The following GLIPR1L2 variants were observed in gnomAD, a reference collection of about 807,000 sequenced individuals.
The protein encoded by GLIPR1L2 is GLIPR1-like protein 2.
In GLIPR1L2, 21 loss-of-function variants were observed where a neutral mutation model predicts 28.4. That is an observed-to-expected ratio of 0.74 (90% CI 0.52 to 1.06). GLIPR1L2 has a LOEUF of 1.06. Ranked by LOEUF, GLIPR1L2 falls within the 50% of genes least tolerant of loss-of-function variation. GLIPR1L2 has a pLI of 0.00. For synonymous variants in GLIPR1L2, 145 were observed against 139.3 expected, an observed-to-expected ratio of 1.04 and a Z score of -0.29; for missense variants, 476 against 416.9, an observed-to-expected ratio of 1.14 and a Z score of -1.23.
chr12:75,396,266 G>T (rs2045680660), intron 1 of GLIPR1L2, among the ~76,000 whole-genome samples: 1 of 152,070 alleles, frequency 6.6e-6, no homozygotes. Flanking sequence ...TGGGGCTCAA[G>T]TGATCCTCCC....
rs566662592 is a variant in GLIPR1L2, at chr12:75,397,733, A to G, written c.234+6383A>G. ...TAGAACTGATTTCTCACATGACATG[A>G]CTTTTTTCCATCTGACTTTCTGTCA... On this transcript the variant is annotated intron_variant, in intron 1 of 5. Transcript: ENST00000550916. 2.0e-5 allele frequency among the ~76,000 whole-genome samples: 3 copies of G among 152,280 alleles called. No individual in the cohort carries two copies. The South Asian group carries it at 6.2e-4, about 32-fold the overall frequency.
chr12:75,424,882 AAT>A (rs1246593916), intron 4 of GLIPR1L2, among the ~76,000 whole-genome samples: 1 of 152,144 alleles, frequency 6.6e-6, no homozygotes, highest in Non-Finnish European at 1.5e-5. Flanking sequence ...TTTTCTGAGA[AAT>A]TCAATGCTAA....
intron 1 of GLIPR1L2, among the ~76,000 whole-genome samples, chr12:75,397,376 G>A (rs1280674836): frequency 6.6e-6 from 1 of 150,736 alleles, no homozygotes; most frequent in East Asian, 1.9e-4. Flanking sequence ...AATATTTTTA[G>A]TGCTTTATTA....
intron 1 of GLIPR1L2, among the ~76,000 whole-genome samples, chr12:75,402,563 C>T (rs1201870226): frequency 6.6e-6 from 1 of 152,196 alleles, no homozygotes; most frequent in Non-Finnish European, 1.5e-5. Flanking sequence ...TCCTCAGTCA[C>T]ATTGTGTACA....
chr12:75,421,965 A>G (rs1476902553), intron 3 of GLIPR1L2, among the ~76,000 whole-genome samples: 1 of 146,550 alleles, frequency 6.8e-6, no homozygotes, highest in East Asian at 2.0e-4. Flanking sequence ...AAAATTCTAT[A>G]TCATTTATTT....
chr12:75,417,205 A>C (rs182279005), intron 3 of GLIPR1L2, among the ~76,000 whole-genome samples: 2 of 152,230 alleles, frequency 1.3e-5, no homozygotes, highest in African/African-American at 4.8e-5. Context: ...ATGCAATCAC[A>C]TGTATACTTG....
chr12:75,412,849 A>G (rs1330965654), intron 2 of GLIPR1L2, among the ~76,000 whole-genome samples: 1 of 152,176 alleles, frequency 6.6e-6, no homozygotes, highest in Non-Finnish European at 1.5e-5. Context: ...TACTGGGTAT[A>G]TACCCAAAGG....
chr12:75,402,930 AT>A (rs574623505), intron 1 of GLIPR1L2: 26 of 451,916 alleles, frequency 5.8e-5, no homozygotes, highest in Non-Finnish European at 8.9e-5. Flanking sequence ...CTCCTCTAAC[AT>A]GATAGTCTTG....
At chr12:75,391,665 GT>G (rs2045602941) in intron 1 of GLIPR1L2, 1 of 609,688 alleles carries the variant, frequency 1.6e-6, no homozygotes, top group East Asian at 4.8e-5. Flanking sequence ...TTAAAAATCA[GT>G]GCAAAAATAT....
chr12:75,391,100 T>G lies in GLIPR1L2; in HGVS notation c.-17T>G. 3 of 1,591,080 alleles carry G rather than the reference T, an allele frequency of 1.9e-6. No individual in the cohort carries two copies. Among genetic ancestry groups the G allele is most frequent in the Non-Finnish European group, 2.6e-6 (3 of 1,161,234 alleles). ...CGGCCAGCGCGTGCGCACTGGCCTG[T>G]CAGCGGCCGGTGGACCATGGAGGCC... is the stretch of plus-strand genomic sequence containing the variant. On this transcript the variant is annotated 5_prime_UTR_variant, in exon 1 of 6. Coordinates refer to ENST00000550916, the MANE Select transcript of GLIPR1L2 (RefSeq NM_001270396.2).
rs1414495833 is a variant in GLIPR1L2, at chr12:75,431,192, C to A, written c.*31C>A. 3 of 610,328 alleles carry A rather than the reference C, an allele frequency of 4.9e-6. No individual in the cohort carries two copies. Among genetic ancestry groups the A allele is most frequent in the Non-Finnish European group, 2.9e-6 (1 of 349,852 alleles). 37.8% of individuals were successfully genotyped at this position (610,328 alleles called of 1,614,324 possible). On this transcript the variant is annotated 3_prime_UTR_variant, in exon 6 of 6. Coordinates refer to ENST00000550916, the MANE Select transcript of GLIPR1L2 (RefSeq NM_001270396.2). ...GAAAGAGGAGGAAAAAGATGTATCA[C>A]CAATATAAACCAAAAGTGTAATACA...
At chr12:75,417,918 G>A (rs1036663328) in intron 3 of GLIPR1L2, among the ~76,000 whole-genome samples, 3 of 151,894 alleles carry the variant, frequency 2.0e-5, no homozygotes, top group African/African-American at 7.3e-5. Flanking sequence ...TATTAGAAAG[G>A]ACACAAGGAT....
chr12:75,393,414 C>T (rs2139912865), intron 1 of GLIPR1L2, among the ~76,000 whole-genome samples: 1 of 152,140 alleles, frequency 6.6e-6, no homozygotes, highest in Non-Finnish European at 1.5e-5. Flanking sequence ...CTCCCCTCCT[C>T]CCAGGCCTCT....
chr12:75,402,217 A>G (rs2045749568), intron 1 of GLIPR1L2, among the ~76,000 whole-genome samples: 1 of 152,176 alleles, frequency 6.6e-6, no homozygotes, highest in African/African-American at 2.4e-5. Flanking sequence ...AAATACAGAA[A>G]GAGAAAACCG....
chr12:75,428,783 C>T (rs1054847319), intron 4 of GLIPR1L2, among the ~76,000 whole-genome samples: 2 of 152,224 alleles, frequency 1.3e-5, no homozygotes, highest in Non-Finnish European at 2.9e-5. Flanking sequence ...TAAGCTGTGG[C>T]TCAAAGGGGC....
chr12:75,400,091 A>G lies in GLIPR1L2; in HGVS notation c.234+8741A>G, dbSNP rs546949776. ...AAAAGAATACCATACACCTGTGGGG[A>G]AAAAAAAGAATGAGAACGTTTTTTA... On this transcript the variant is annotated intron_variant, in intron 1 of 5. Transcript: ENST00000550916. 3.3e-5 allele frequency among the ~76,000 whole-genome samples: 5 copies of G among 152,114 alleles called. No individual in the cohort carries two copies. In the East Asian group the frequency reaches 7.7e-4, roughly 23 times the overall value.
chr12:75,395,400 T>C (rs2045672225), intron 1 of GLIPR1L2, among the ~76,000 whole-genome samples: 1 of 151,996 alleles, frequency 6.6e-6, no homozygotes, highest in Admixed American at 6.5e-5. Flanking sequence ...TACTGACCTA[T>C]AGTTTTCTTA....
intron 3 of GLIPR1L2, among the ~76,000 whole-genome samples, chr12:75,420,067 C>T (rs1199012566): frequency 1.3e-5 from 2 of 152,150 alleles, no homozygotes; most frequent in African/African-American, 2.4e-5. Context: ...TGTTGTGATA[C>T]ATAAGAAGTA....
chr12:75,397,959 C>CT (rs2045698048), intron 1 of GLIPR1L2, among the ~76,000 whole-genome samples: 1 of 151,304 alleles, frequency 6.6e-6, no homozygotes, highest in Non-Finnish European at 1.5e-5. Context: ...ACCACTCGGA[C>CT]TTTTAACTTT....
Sources: allele counts gnomAD v4.1 joint callset (sites outside exome capture counted in the v4.1 genomes callset), GRCh38; gene constraint gnomAD v4.1.1; transcripts MANE v1.5; gene names NCBI Gene and HGNC (gene_info 2026-07-23, HGNC 2026-07-21).